Variants in MGLL observed in about 807,000 individuals in gnomAD.
MGLL encodes the protein lysophospholipase homolog.
In MGLL, 7 loss-of-function variants were observed where a neutral mutation model predicts 29.1. The ratio of observed to expected loss-of-function variants is 0.24; its 90% confidence interval spans 0.14 to 0.45. The LOEUF (loss-of-function observed/expected upper bound fraction) is 0.45. Among genes scored for constraint, MGLL ranks in the 20% least tolerant of loss-of-function variants. MGLL has a pLI of 0.99. For synonymous variants in MGLL, 148 were observed against 168.3 expected (o/e 0.88, Z 0.93); for missense variants, 356 against 413.6 (o/e 0.86, Z 1.21).
intron 3 of MGLL, among the ~76,000 whole-genome samples, chr3:127,776,562 C>G (rs2077040141): frequency 6.6e-6 from 1 of 152,198 alleles, no homozygotes; most frequent in Admixed American, 6.5e-5. Flanking sequence ...ATGCCCTGAG[C>G]CTGGAGGTGC....
At chr3:127,695,758 A>C (rs753637636) in intron 6 of MGLL, among the ~76,000 whole-genome samples, 2 of 152,242 alleles carry the variant, frequency 1.3e-5, no homozygotes, top group Non-Finnish European at 2.9e-5. Context: ...AAAAATTAAA[A>C]AAAACGAAAG....
At chr3:127,724,407 G>C (rs1005452011) in intron 3 of MGLL, among the ~76,000 whole-genome samples, 38 of 152,312 alleles carry the variant, frequency 2.5e-4, no homozygotes, top group African/African-American at 8.4e-4. Flanking sequence ...TCCTTTTTAA[G>C]GCTGCAGCAT....
Position 127,704,820 on chromosome 3 carries a change from GA to G in MGLL, c.600+5755del, listed in dbSNP as rs2075567682. On this transcript the variant is annotated intron_variant, in intron 6 of 7. Transcript: ENST00000265052. ...AATGTAAATTAGTTCAACCATCGTG[GA>G]AGACAACAGAAACCCCATTTGACCC... Among the ~76,000 whole-genome samples, 3 of 152,012 alleles carry G rather than the reference GA, an allele frequency of 2.0e-5. No homozygotes were observed. In the South Asian group the frequency reaches 6.2e-4, roughly 32 times the overall value.
chr3:127,754,766 C>T lies in MGLL; in HGVS notation c.262+27023G>A, dbSNP rs572784832. 5.9e-5 allele frequency among the ~76,000 whole-genome samples: 9 copies of T among 152,328 alleles called. No homozygotes were observed. The South Asian group carries it at 1.7e-3, about 28-fold the overall frequency. On this transcript the variant is annotated intron_variant, in intron 3 of 7. Coordinates refer to ENST00000265052, the MANE Select transcript of MGLL (RefSeq NM_007283.7). ...TCCACCCAGGCCTCAGTGGCCTTCC[C>T]GTGTGCCTCCCCCGCAGCTGCTGAG...
chr3:127,720,041 C>T (rs751571157), intron 5 of MGLL, among the ~76,000 whole-genome samples: 3 of 152,122 alleles, frequency 2.0e-5, no homozygotes, highest in Non-Finnish European at 2.9e-5. Context: ...TGAAGGAAAC[C>T]CTTTGAGGAT....
intron 3 of MGLL, among the ~76,000 whole-genome samples, chr3:127,756,961 C>T (rs2107677115): frequency 6.6e-6 from 1 of 152,314 alleles, no homozygotes; most frequent in East Asian, 1.9e-4. Context: ...CCTTCAGGTC[C>T]TCCCACCAGG....
At position 127,804,332 on chromosome 3, in the gene MGLL, G is replaced by A. The variant is rs561097133; in HGVS notation, c.155+17362C>T. Among the ~76,000 whole-genome samples the A allele has an allele frequency of 1.6e-4, 25 of 152,350 alleles. No homozygotes were observed. The South Asian group carries it at 4.6e-3, about 28-fold the overall frequency. ...CAGGGCCACGGGGCGGACCAGACCC[G>A]GCTCAAATGTCACGTCTGCTTAAAG... is the stretch of plus-strand genomic sequence containing the variant. On this transcript the variant is annotated intron_variant, in intron 2 of 7. Coordinates refer to ENST00000265052, the MANE Select transcript of MGLL (RefSeq NM_007283.7).
chr3:127,765,226 C>A (rs1363716032), intron 3 of MGLL, among the ~76,000 whole-genome samples: 1 of 152,200 alleles, frequency 6.6e-6, no homozygotes, highest in East Asian at 1.9e-4. Context: ...TCTCCTCCAA[C>A]AAGTGACTCA....
At chr3:127,814,655 T>A (rs2077724056) in intron 2 of MGLL, among the ~76,000 whole-genome samples, 1 of 152,226 alleles carries the variant, frequency 6.6e-6, no homozygotes, top group Non-Finnish European at 1.5e-5. Flanking sequence ...GCCAGATTTG[T>A]ATCAGCAGAA....
intron 2 of MGLL, among the ~76,000 whole-genome samples, chr3:127,791,508 G>C (rs2077300084): frequency 1.3e-5 from 2 of 152,024 alleles, no homozygotes. Flanking sequence ...CCCCTACCCC[G>C]ACCCCTACCC....
rs2075212466 is a variant in MGLL at position 127,689,844 on chromosome 3, G to A, written c.*2354C>T. On this transcript the variant is annotated 3_prime_UTR_variant, in exon 8 of 8. Coordinates refer to ENST00000265052, the MANE Select transcript of MGLL (RefSeq NM_007283.7). Reference sequence around the variant, plus strand: ...TGTGTTGGCTCCTGACCCAGCAGGGGGACATGGTGGGCGGATGTACCAGCC... The same window carrying A: ...TGTGTTGGCTCCTGACCCAGCAGGGAGACATGGTGGGCGGATGTACCAGCC... The A allele has an allele frequency of 6.6e-6, 1 of 152,226 alleles. No homozygotes were observed. The highest frequency in any genetic ancestry group is 1.5e-5 in the Non-Finnish European group (1 of 68,044). 9.4% of individuals were successfully genotyped at this position (152,226 alleles called of 1,614,324 possible). A position where few individuals can be genotyped will look rare whatever the true frequency, so the allele number is the denominator to read the frequency against.
intron 6 of MGLL, among the ~76,000 whole-genome samples, chr3:127,696,383 G>A (rs1477722726): frequency 1.5e-5 from 2 of 135,690 alleles, no homozygotes; most frequent in Non-Finnish European, 3.1e-5. Context: ...GCAGGAGTGA[G>A]CCCCTGATGC....
chr3:127,754,642 C>T (rs991389660), intron 3 of MGLL, among the ~76,000 whole-genome samples: 1 of 152,238 alleles, frequency 6.6e-6, no homozygotes, highest in Non-Finnish European at 1.5e-5. Context: ...GGCTGTTGGT[C>T]CCAGTGGGCA....
chr3:127,794,040 T>C (rs1161398224), intron 2 of MGLL, among the ~76,000 whole-genome samples: 2 of 152,182 alleles, frequency 1.3e-5, no homozygotes, highest in African/African-American at 4.8e-5. Context: ...CCAGGTTTGA[T>C]GGGTTATGCC....
At chr3:127,742,203 C>G (rs1359458121) in intron 3 of MGLL, among the ~76,000 whole-genome samples, 1 of 152,158 alleles carries the variant, frequency 6.6e-6, no homozygotes, top group African/African-American at 2.4e-5. Flanking sequence ...CTTGTCAGCA[C>G]GGGAGTTACC....
chr3:127,806,657 A>G (rs1310678269), intron 2 of MGLL, among the ~76,000 whole-genome samples: 4 of 152,068 alleles, frequency 2.6e-5, no homozygotes, highest in Non-Finnish European at 2.9e-5. Context: ...GGATGTATGG[A>G]TGGGTAGATG....
chr3:127,722,803 C>T (rs1186687574), intron 3 of MGLL, among the ~76,000 whole-genome samples: 2 of 152,114 alleles, frequency 1.3e-5, no homozygotes, highest in African/African-American at 2.4e-5. Flanking sequence ...TAGGAAGCAA[C>T]GAGCCAGGGT....
At chr3:127,713,374 G>T (rs893017728) in intron 5 of MGLL, 4 of 146,094 alleles carry the variant, frequency 2.7e-5, no homozygotes, top group Non-Finnish European at 6.0e-5. Flanking sequence ...CTCAGGAACC[G>T]CAGGAAGGCT....
At chr3:127,729,888 T>A (rs566887134) in intron 3 of MGLL, among the ~76,000 whole-genome samples, 35 of 152,360 alleles carry the variant, frequency 2.3e-4, no homozygotes, top group African/African-American at 7.7e-4. Context: ...GATGGTAATG[T>A]AGGCATCTCC....
Sources: allele counts gnomAD v4.1 joint callset (sites outside exome capture counted in the v4.1 genomes callset), GRCh38; gene constraint gnomAD v4.1.1; transcripts MANE v1.5; gene names NCBI Gene and HGNC (gene_info 2026-07-23, HGNC 2026-07-21).